The following TMEM178B variants were observed in gnomAD, a reference collection of about 807,000 sequenced individuals.
TMEM178B encodes the protein transmembrane protein 178B.
Under a neutral mutation model 31.0 loss-of-function variants are expected in TMEM178B, and 5 were observed. That is an observed-to-expected ratio of 0.16 (90% CI 0.08 to 0.34). The LOEUF is 0.34. TMEM178B is among the 10% of genes least tolerant of loss of function. The pLI, the probability that TMEM178B is intolerant of heterozygous loss-of-function variation, is 1.00. For synonymous variants in TMEM178B, 164 were observed against 164.0 expected, an observed-to-expected ratio of 1.00 and a Z score of 0.00; for missense variants, 275 against 400.3, an observed-to-expected ratio of 0.69 and a Z score of 2.67.
At chr7:141,104,230 G>T (rs1220388541) in intron 1 of TMEM178B, among the ~76,000 whole-genome samples, 1 of 152,188 alleles carries the variant, frequency 6.6e-6, no homozygotes, top group Admixed American at 6.5e-5. Flanking sequence ...CTGACGGCAT[G>T]TGGGCTGTCC....
chr7:141,273,634 A>G (rs954622718), intron 2 of TMEM178B, among the ~76,000 whole-genome samples: 12 of 152,242 alleles, frequency 7.9e-5, no homozygotes, highest in African/African-American at 2.9e-4. Flanking sequence ...ACTATTTCAG[A>G]AAATTGACCA....
chr7:141,290,418 T>G (rs1798525313), intron 2 of TMEM178B, among the ~76,000 whole-genome samples: 2 of 152,224 alleles, frequency 1.3e-5, no homozygotes, highest in Non-Finnish European at 2.9e-5. Flanking sequence ...TAGTGTGTCC[T>G]TATAGGAACT....
chr7:141,268,120 T>C (rs1410027195), intron 2 of TMEM178B, among the ~76,000 whole-genome samples: 3 of 151,814 alleles, frequency 2.0e-5, no homozygotes, highest in African/African-American at 7.3e-5. Flanking sequence ...TCTAATTTTG[T>C]TTTTTTTGCA....
chr7:141,348,989 A>C (rs1799665324), intron 2 of TMEM178B, among the ~76,000 whole-genome samples: 1 of 152,226 alleles, frequency 6.6e-6, no homozygotes, highest in African/African-American at 2.4e-5. Flanking sequence ...ATGTTCCCAC[A>C]GTGACTGACA....
At chr7:141,369,611 C>T (rs762099124) in intron 2 of TMEM178B, among the ~76,000 whole-genome samples, 7 of 152,158 alleles carry the variant, frequency 4.6e-5, no homozygotes, top group Non-Finnish European at 8.8e-5. Flanking sequence ...GAAGCACCTC[C>T]ACCCCGCGTT....
At chr7:141,173,154 G>A (rs1221014242) in intron 1 of TMEM178B, 1 of 152,186 alleles carries the variant, frequency 6.6e-6, no homozygotes, top group Non-Finnish European at 1.5e-5. Flanking sequence ...ATCGTGTAAC[G>A]AATGGTGCAA....
chr7:141,501,048 T>C, the TMEM178B span, among the ~76,000 whole-genome samples: 1 of 152,202 alleles, frequency 6.6e-6, no homozygotes, highest in Non-Finnish European at 1.5e-5. Flanking sequence ...ACAACTTGTA[T>C]AGTTTGTTAT....
intron 1 of TMEM178B, among the ~76,000 whole-genome samples, chr7:141,181,219 TA>T (rs1299329970): frequency 6.6e-6 from 1 of 152,244 alleles, no homozygotes; most frequent in Non-Finnish European, 1.5e-5. Context: ...GATGTGTTCA[TA>T]AATACATCTT....
chr7:141,103,618 G>A (rs747772145), intron 1 of TMEM178B, among the ~76,000 whole-genome samples: 30 of 152,262 alleles, frequency 2.0e-4, no homozygotes, highest in Non-Finnish European at 3.1e-4. Flanking sequence ...GGTTGACTGA[G>A]TGAATTTTTA....
At chr7:141,267,411 A>T (rs1798111363) in intron 2 of TMEM178B, among the ~76,000 whole-genome samples, 1 of 152,212 alleles carries the variant, frequency 6.6e-6, no homozygotes, top group African/African-American at 2.4e-5. Context: ...CCCAGCCAGT[A>T]GTGGGTTTGG....
intron 2 of TMEM178B, among the ~76,000 whole-genome samples, chr7:141,312,286 A>C (rs1798924237): frequency 6.6e-6 from 1 of 152,216 alleles, no homozygotes; most frequent in Admixed American, 6.5e-5. Flanking sequence ...AATTTATTCA[A>C]TGTGCTCTTC....
chr7:141,109,277 G>A (rs1795196592), intron 1 of TMEM178B, among the ~76,000 whole-genome samples: 1 of 152,030 alleles, frequency 6.6e-6, no homozygotes, highest in African/African-American at 2.4e-5. Context: ...CAAAAGGACA[G>A]GAAAAGGTAA....
chr7:141,178,873 G>A (rs897864713), intron 1 of TMEM178B, among the ~76,000 whole-genome samples: 1 of 152,166 alleles, frequency 6.6e-6, no homozygotes, highest in South Asian at 2.1e-4. Context: ...CTAGACTTTT[G>A]TCTAGAGGAA....
intron 1 of TMEM178B, among the ~76,000 whole-genome samples, chr7:141,198,362 A>G (rs992960059): frequency 6.6e-6 from 1 of 152,220 alleles, no homozygotes; most frequent in African/African-American, 2.4e-5. Context: ...CAGAGGTGGC[A>G]GCGGCAGAGC....
intron 2 of TMEM178B, among the ~76,000 whole-genome samples, chr7:141,358,687 A>C (rs922653887): frequency 1.3e-5 from 2 of 151,930 alleles, no homozygotes; most frequent in Non-Finnish European, 2.9e-5. Flanking sequence ...CTAGATGCCT[A>C]CTTCCTTTCT....
chr7:141,489,316 C>T, the TMEM178B span, among the ~76,000 whole-genome samples: 3 of 152,170 alleles, frequency 2.0e-5, no homozygotes, highest in African/African-American at 7.2e-5. Context: ...CCTTCAAGTG[C>T]ATAACAGTGA....
Position 141,350,253 on chromosome 7 carries a change from G to A in TMEM178B, c.497-87355G>A, listed in dbSNP as rs139219608. On this transcript the variant is annotated intron_variant, in intron 2 of 3. Transcript: ENST00000565468. ...GAACTCTTCCTTCCTTCACCAATGA[G>A]GCCTTCTTTGACCATCCCATCGAGA... 5.9e-5 allele frequency among the ~76,000 whole-genome samples: 9 copies of A among 152,000 alleles called. No homozygotes were observed. The East Asian group carries it at 1.5e-3, about 26-fold the overall frequency.
Position 141,375,031 on chromosome 7 carries a change from T to A in TMEM178B, c.497-62577T>A, listed in dbSNP as rs552234045. ...CTTCCTGTTTCTATGCTGTTTCTTGTTCGTAATTTAATGTATCCTTGGATA... is the reference window on the plus strand; with the variant it reads ...CTTCCTGTTTCTATGCTGTTTCTTGATCGTAATTTAATGTATCCTTGGATA... On this transcript the variant is annotated intron_variant, in intron 2 of 3. Coordinates refer to ENST00000565468, the MANE Select transcript of TMEM178B (RefSeq NM_001195278.2). Among the ~76,000 whole-genome samples, 3 of 152,336 alleles carry A rather than the reference T, an allele frequency of 2.0e-5. No individual in the cohort carries two copies. In the East Asian group the frequency reaches 5.8e-4, roughly 29 times the overall value.
chr7:141,400,230 G>C (rs1800735509), intron 2 of TMEM178B, among the ~76,000 whole-genome samples: 1 of 152,124 alleles, frequency 6.6e-6, no homozygotes, highest in South Asian at 2.1e-4. Context: ...TATCTTTCCT[G>C]CATCTATTCA....
Sources: allele counts gnomAD v4.1 joint callset (sites outside exome capture counted in the v4.1 genomes callset), GRCh38; gene constraint gnomAD v4.1.1; transcripts MANE v1.5; gene names NCBI Gene and HGNC (gene_info 2026-07-23, HGNC 2026-07-21).